The following FGF2 variants were observed in gnomAD, a reference collection of about 807,000 sequenced individuals.
FGF2 encodes fibroblast growth factor 2, also known as basic fibroblast growth factor bFGF.
FGF2 carries 13 observed loss-of-function variants against 15.9 expected under a neutral mutation model. That is an observed-to-expected ratio of 0.82 (90% confidence interval 0.53 to 1.30). The LOEUF (loss-of-function observed/expected upper bound fraction) is 1.30. FGF2 is among the 50% of genes most tolerant of loss of function. The pLI, the probability that FGF2 is intolerant of heterozygous loss-of-function variation, is 0.00. For synonymous variants in FGF2, 90 were observed against 78.4 expected (o/e 1.15, Z -0.78); for missense variants, 163 against 196.9 (o/e 0.83, Z 1.03).
At chr4:122,826,788 G>T (rs75664870), upstream of FGF2, 1 of 1,395,510 alleles carries the variant, frequency 7.2e-7, no homozygotes, top group Non-Finnish European at 9.4e-7. Context: ...GGTGGGTGTG[G>T]GGGGTGGAGA....
chr4:122,864,202 A>G lies in FGF2; in HGVS notation c.179-12119A>G, dbSNP rs1226627414. Among the ~76,000 whole-genome samples, 3 of 151,874 alleles carry G rather than the reference A, an allele frequency of 2.0e-5. No homozygotes were observed. The East Asian group carries it at 5.8e-4, about 29-fold the overall frequency. On this transcript the variant is annotated intron_variant, in intron 1 of 2. Transcript: ENST00000644866. ...TCTTTTTCCTAATTTTGGCCTCTGTAAACCTTTCATTTTTTTCATGCTTTA... is the reference window on the plus strand; with the variant it reads ...TCTTTTTCCTAATTTTGGCCTCTGTGAACCTTTCATTTTTTTCATGCTTTA...
In FGF2 at chr4:122,893,924, C is replaced by T. The variant is rs1204718241; in HGVS notation, c.*1528C>T. 2.0e-5 allele frequency: 3 copies of T among 152,206 alleles called. No individual in the cohort carries two copies. The highest frequency in any genetic ancestry group is 4.4e-5 in the Non-Finnish European group (3 of 68,016). 9.4% of individuals were successfully genotyped at this position (152,206 alleles called of 1,614,324 possible). ...TCTACCACTTTGCTGGAAAGCTTCACAATTGTCACAGACAAAGATTTTTGT... is the reference window on the plus strand; with the variant it reads ...TCTACCACTTTGCTGGAAAGCTTCATAATTGTCACAGACAAAGATTTTTGT... On this transcript the variant is annotated 3_prime_UTR_variant, in exon 3 of 3. Coordinates refer to ENST00000644866, the MANE Select transcript of FGF2 (RefSeq NM_001361665.2).
At chr4:122,887,828 T>A (rs899597709) in intron 2 of FGF2, among the ~76,000 whole-genome samples, 1 of 152,192 alleles carries the variant, frequency 6.6e-6, no homozygotes, top group African/African-American at 2.4e-5. Flanking sequence ...TATGTATACA[T>A]CTACATTTCT....
intron 1 of FGF2, among the ~76,000 whole-genome samples, chr4:122,870,250 G>A (rs939252724): frequency 1.3e-5 from 2 of 152,160 alleles, no homozygotes; most frequent in Non-Finnish European, 2.9e-5. Flanking sequence ...TTTTATTGAG[G>A]ATTTTCACAT....
intron 1 of FGF2, among the ~76,000 whole-genome samples, chr4:122,864,573 G>A (rs1371290249): frequency 6.6e-6 from 1 of 152,114 alleles, no homozygotes; most frequent in Non-Finnish European, 1.5e-5. Flanking sequence ...AGTTGAACAA[G>A]GTTCACATAT....
At chr4:122,852,670 C>A (rs772085872) in intron 1 of FGF2, among the ~76,000 whole-genome samples, 3 of 152,152 alleles carry the variant, frequency 2.0e-5, no homozygotes, top group Non-Finnish European at 4.4e-5. Flanking sequence ...TTTTCTGTGT[C>A]AGTTTTTCAT....
chr4:122,880,628 G>A (rs1434340369), intron 2 of FGF2, among the ~76,000 whole-genome samples: 1 of 152,146 alleles, frequency 6.6e-6, no homozygotes, highest in African/African-American at 2.4e-5. Context: ...GCAAGAGCTG[G>A]GTTCCCATCA....
chr4:122,835,717 C>T (rs1023137405), intron 1 of FGF2, among the ~76,000 whole-genome samples: 2 of 151,922 alleles, frequency 1.3e-5, no homozygotes, highest in Non-Finnish European at 2.9e-5. Flanking sequence ...GATTTAATGA[C>T]CTCTACTCTC....
chr4:122,869,218 A>C (rs1230438718), intron 1 of FGF2, among the ~76,000 whole-genome samples: 1 of 152,118 alleles, frequency 6.6e-6, no homozygotes, highest in Non-Finnish European at 1.5e-5. Context: ...TACCAGTACC[A>C]TGTTGTTTTG....
intron 2 of FGF2, among the ~76,000 whole-genome samples, chr4:122,887,774 G>T (rs1330614411): frequency 6.6e-6 from 1 of 152,152 alleles, no homozygotes; most frequent in Admixed American, 6.5e-5. Context: ...GAACCTTGAG[G>T]TGTTGCCCCA....
Position 122,827,150 on chromosome 4 carries a change from A to G in FGF2, c.-25A>G, listed in dbSNP as rs966317160. 1 of 1,380,622 alleles carries G rather than the reference A, an allele frequency of 7.2e-7. No homozygotes were observed. Among genetic ancestry groups the G allele is most frequent in the Non-Finnish European group, 9.4e-7 (1 of 1,064,278 alleles). The allele number at this position is 1,380,622 out of a possible 1,614,324, so 85.5% of individuals were successfully genotyped here. ...CCCGCGCGGCTCCAGCGGCTCGGGG[A>G]TCCCGGCCGGGCCCCGCAGGGACCA... On this transcript the variant is annotated 5_prime_UTR_variant, in exon 1 of 3. Transcript: ENST00000644866. This position sits in a 1 kb window ranked among gnomAD's most constrained non-coding sequence, Gnocchi z 4.2.
At chr4:122,866,107 T>C (rs1450545067) in intron 1 of FGF2, among the ~76,000 whole-genome samples, 2 of 152,080 alleles carry the variant, frequency 1.3e-5, no homozygotes, top group Non-Finnish European at 2.9e-5. Context: ...CGGTGGCTCA[T>C]GCCTGTAATC....
intron 2 of FGF2, among the ~76,000 whole-genome samples, chr4:122,877,236 A>C (rs1175417407): frequency 6.6e-6 from 1 of 151,636 alleles, no homozygotes; most frequent in African/African-American, 2.4e-5. Context: ...CAGCCTCCCG[A>C]GTAGCTGGGA....
At chr4:122,885,309 TG>T (rs1727034189) in intron 2 of FGF2, among the ~76,000 whole-genome samples, 1 of 152,242 alleles carries the variant, frequency 6.6e-6, no homozygotes, top group African/African-American at 2.4e-5. Context: ...TGCCAAGCAC[TG>T]ATACAGCAGT....
chr4:122,858,185 A>T (rs1726377894), intron 1 of FGF2, among the ~76,000 whole-genome samples: 1 of 152,160 alleles, frequency 6.6e-6, no homozygotes, highest in Admixed American at 6.5e-5. Context: ...TGTGAAGAGA[A>T]TGGAATGTGT....
intron 2 of FGF2, among the ~76,000 whole-genome samples, chr4:122,877,234 C>T (rs1272779079): frequency 2.0e-5 from 3 of 151,942 alleles, no homozygotes; most frequent in African/African-American, 4.8e-5. Context: ...CTCAGCCTCC[C>T]GAGTAGCTGG....
At chr4:122,875,543 T>C (rs1368253969) in intron 1 of FGF2, among the ~76,000 whole-genome samples, 2 of 151,854 alleles carry the variant, frequency 1.3e-5, no homozygotes, top group African/African-American at 4.8e-5. Context: ...GCGCGGTGGC[T>C]CATGCCTGTA....
chr4:122,842,398 G>C (rs1726008355), intron 1 of FGF2, among the ~76,000 whole-genome samples: 1 of 152,212 alleles, frequency 6.6e-6, no homozygotes, highest in African/African-American at 2.4e-5. Context: ...GTTAAGGACA[G>C]TATCACTAGA....
intron 1 of FGF2, among the ~76,000 whole-genome samples, chr4:122,871,731 C>T (rs45530936): frequency 1.4e-3 from 215 of 150,504 alleles, no homozygotes; most frequent in African/African-American, 5.2e-3. Flanking sequence ...TAAAGTGAAC[C>T]CCCAGCAAAC....
Sources: allele counts gnomAD v4.1 joint callset (sites outside exome capture counted in the v4.1 genomes callset), GRCh38; gene constraint gnomAD v4.1.1; non-coding constraint Gnocchi (gnomAD v3.1); transcripts MANE v1.5; gene names NCBI Gene and HGNC (gene_info 2026-07-23, HGNC 2026-07-21).